The following ZFAND3 variants were observed in gnomAD, a reference collection of about 807,000 sequenced individuals.
The protein encoded by ZFAND3 is AN1-type zinc finger protein 3.
In ZFAND3, 10 loss-of-function variants were observed where a neutral mutation model predicts 29.6. The observed-to-expected ratio is 0.34, with a 90% confidence interval of 0.21 to 0.57. The LOEUF is 0.57. Ranked by LOEUF, ZFAND3 falls within the 20% of genes least tolerant of loss-of-function variation. ZFAND3 has a pLI of 0.86. For synonymous variants in ZFAND3, 128 were observed against 112.6 expected, an observed-to-expected ratio of 1.14 and a Z score of -0.87; for missense variants, 230 against 304.5, an observed-to-expected ratio of 0.76 and a Z score of 1.82.
intron 2 of ZFAND3, among the ~76,000 whole-genome samples, chr6:37,985,499 C>CGACA (rs1762651601): frequency 7.1e-6 from 1 of 141,596 alleles, no homozygotes. Flanking sequence ...GCTTGTGGTT[C>CGACA]CACACACACA....
Position 38,061,578 on chromosome 6 carries a change from T to G in ZFAND3, c.113-15T>G. 6.2e-7 allele frequency: 1 copy of G among 1,613,844 alleles called. No individual in the cohort carries two copies. The highest frequency in any genetic ancestry group is 8.5e-7 in the Non-Finnish European group (1 of 1,179,838). On this transcript the variant is annotated splice_polypyrimidine_tract_variant and intron_variant, in intron 2 of 5. Coordinates refer to ENST00000287218, the MANE Select transcript of ZFAND3 (RefSeq NM_021943.3). ...GTGAACTCCTTAATTAAGCTCGTTT[T>G]CTATTTTTCTTCAGATTTTCAAAAG...
chr6:38,095,103 C>G (rs1342872825), intron 4 of ZFAND3, among the ~76,000 whole-genome samples: 1 of 152,206 alleles, frequency 6.6e-6, no homozygotes, highest in Non-Finnish European at 1.5e-5. Context: ...ATGACATTTA[C>G]ATTATTATGA....
chr6:37,987,423 T>C (rs972375021), intron 2 of ZFAND3, among the ~76,000 whole-genome samples: 10 of 152,238 alleles, frequency 6.6e-5, no homozygotes, highest in Non-Finnish European at 1.3e-4. Flanking sequence ...TAGAATTCAT[T>C]TTATAGAAAC....
At chr6:37,822,154 G>T (rs191245342) in intron 1 of ZFAND3, among the ~76,000 whole-genome samples, 197 of 152,276 alleles carry the variant, frequency 1.3e-3, no homozygotes, top group African/African-American at 4.6e-3. Context: ...CCTTTAGCCG[G>T]TAGGGTTCTG....
chr6:38,136,421 C>T (rs1445492218), intron 5 of ZFAND3, among the ~76,000 whole-genome samples: 1 of 152,198 alleles, frequency 6.6e-6, no homozygotes, highest in Non-Finnish European at 1.5e-5. Context: ...GTGGGGAGTA[C>T]TGCCTGACTG....
rs953448051 is a variant in ZFAND3 at position 38,011,437 on chromosome 6, G to A, written c.113-50156G>A. Among the ~76,000 whole-genome samples, 24 of 152,264 alleles carry A rather than the reference G, an allele frequency of 1.6e-4. 1 individual carries two copies. Among genetic ancestry groups the A allele is most frequent in the Admixed American group, 3.3e-4 (5 of 15,292 alleles). ...AAATTCCCATCAGTAGTACATGAGCGTTCCAGTTGCTCCATATCCTTGCCA... is the reference window on the plus strand; with the variant it reads ...AAATTCCCATCAGTAGTACATGAGCATTCCAGTTGCTCCATATCCTTGCCA... On this transcript the variant is annotated intron_variant, in intron 2 of 5. Coordinates refer to ENST00000287218, the MANE Select transcript of ZFAND3 (RefSeq NM_021943.3).
chr6:37,903,691 G>A (rs1765359476), intron 1 of ZFAND3, among the ~76,000 whole-genome samples: 1 of 152,170 alleles, frequency 6.6e-6, no homozygotes, highest in Non-Finnish European at 1.5e-5. Flanking sequence ...CTAATAGCAT[G>A]AATAATTTAA....
intron 4 of ZFAND3, among the ~76,000 whole-genome samples, chr6:38,089,342 G>A (rs1764820371): frequency 6.6e-6 from 1 of 151,918 alleles, no homozygotes; most frequent in South Asian, 2.1e-4. Flanking sequence ...TGGCCAGGCT[G>A]GTCTTGAACT....
At chr6:38,122,151 A>T (rs964971717) in intron 5 of ZFAND3, among the ~76,000 whole-genome samples, 1 of 152,118 alleles carries the variant, frequency 6.6e-6, no homozygotes. Flanking sequence ...GTCCCCTGGT[A>T]TCTGCGGGGA....
chr6:37,979,019 C>T (rs1261262817), intron 2 of ZFAND3, among the ~76,000 whole-genome samples: 1 of 151,762 alleles, frequency 6.6e-6, no homozygotes, highest in Non-Finnish European at 1.5e-5. Context: ...ATCTCAAAGA[C>T]CCCTCTTTTG....
intron 2 of ZFAND3, among the ~76,000 whole-genome samples, chr6:38,055,644 A>G (rs936567261): frequency 1.3e-5 from 2 of 152,196 alleles, no homozygotes; most frequent in Non-Finnish European, 2.9e-5. Context: ...TACAATAAAG[A>G]TAGAAGCCTT....
intron 2 of ZFAND3, among the ~76,000 whole-genome samples, chr6:38,027,806 G>A (rs1322181500): frequency 2.6e-5 from 4 of 152,232 alleles, no homozygotes; most frequent in African/African-American, 9.6e-5. Flanking sequence ...TCAGCAGAAT[G>A]TCTCAGGGAG....
At chr6:37,905,747 G>A (rs1765395568) in intron 1 of ZFAND3, among the ~76,000 whole-genome samples, 1 of 152,024 alleles carries the variant, frequency 6.6e-6, no homozygotes, top group South Asian at 2.1e-4. Flanking sequence ...TATTAGTTAA[G>A]TTGCCTCATT....
intron 2 of ZFAND3, among the ~76,000 whole-genome samples, chr6:38,021,968 C>T (rs927035696): frequency 6.6e-6 from 1 of 152,186 alleles, no homozygotes; most frequent in South Asian, 2.1e-4. Context: ...AGCAGACTTA[C>T]AGTTTTATTA....
At chr6:37,871,734 G>C (rs1428680406) in intron 1 of ZFAND3, among the ~76,000 whole-genome samples, 10 of 152,100 alleles carry the variant, frequency 6.6e-5, no homozygotes, top group Non-Finnish European at 1.5e-4. Flanking sequence ...TTTTCTCTTT[G>C]AGTATGGGTC....
At chr6:37,893,199 G>T (rs114845719) in intron 1 of ZFAND3, among the ~76,000 whole-genome samples, 1 of 152,088 alleles carries the variant, frequency 6.6e-6, no homozygotes, top group African/African-American at 2.4e-5. Context: ...TTAACAAAAT[G>T]CTAGTAAACC....
chr6:37,949,484 C>CT (rs1434221321), intron 2 of ZFAND3, among the ~76,000 whole-genome samples: 1 of 152,164 alleles, frequency 6.6e-6, no homozygotes, highest in Non-Finnish European at 1.5e-5. Context: ...AATTCTGACA[C>CT]TATCTACCTG....
At chr6:37,995,301 G>A (rs1055691298) in intron 2 of ZFAND3, among the ~76,000 whole-genome samples, 2 of 152,110 alleles carry the variant, frequency 1.3e-5, no homozygotes, top group Non-Finnish European at 2.9e-5. Flanking sequence ...CATAATTGTA[G>A]GGGCAAGCAT....
intron 2 of ZFAND3, among the ~76,000 whole-genome samples, chr6:38,014,839 A>G (rs1299673515): frequency 6.6e-6 from 1 of 152,194 alleles, no homozygotes; most frequent in Non-Finnish European, 1.5e-5. Context: ...GCATCAACCC[A>G]CTTCTCTGTC....
Sources: gnomAD v4.1 joint callset for allele counts (sites outside exome capture counted in the v4.1 genomes callset) on GRCh38, gnomAD v4.1.1 for gene constraint, MANE v1.5 for transcripts, NCBI Gene and HGNC (gene_info 2026-07-23, HGNC 2026-07-21) for gene names.